PRICKLE2: variants seen among roughly 807,000 people sequenced by gnomAD.
PRICKLE2 encodes prickle planar cell polarity protein 2.
PRICKLE2 carries 21 observed loss-of-function variants against 81.4 expected under a neutral mutation model. The observed-to-expected ratio is 0.26, with a 90% CI of 0.18 to 0.37. PRICKLE2 has a LOEUF of 0.37. Ranked by LOEUF, PRICKLE2 falls within the 10% of genes least tolerant of loss-of-function variation. The probability of loss-of-function intolerance (pLI) is 1.00; values close to 1 mark genes in which losing one functional copy is unlikely to be tolerated. For synonymous variants in PRICKLE2, 456 were observed against 421.5 expected (o/e 1.08, Z -1.00); for missense variants, 940 against 1,109.0 (o/e 0.85, Z 2.16).
chr3:64,237,366 C>T (rs762049087), intron 2 of PRICKLE2, among the ~76,000 whole-genome samples: 32 of 152,054 alleles, frequency 2.1e-4, no homozygotes, highest in Non-Finnish European at 4.1e-4. Flanking sequence ...ATTAAAGTGG[C>T]TCTCAGTGGG....
intron 7 of PRICKLE2, among the ~76,000 whole-genome samples, chr3:64,127,345 C>T (rs961583891): frequency 2.6e-5 from 4 of 152,140 alleles, no homozygotes; most frequent in Admixed American, 1.3e-4. Context: ...CCTTTGTCCA[C>T]GGTCACTCTC....
intron 1 of PRICKLE2, among the ~76,000 whole-genome samples, chr3:64,220,691 C>T (rs987337972): frequency 7.9e-5 from 12 of 152,250 alleles, no homozygotes; most frequent in South Asian, 4.2e-4. Flanking sequence ...CTTTGTCAAA[C>T]GAGGCCAGCC....
chr3:64,155,632 C>G (rs1352200491), intron 5 of PRICKLE2, among the ~76,000 whole-genome samples: 3 of 152,110 alleles, frequency 2.0e-5, no homozygotes, highest in Non-Finnish European at 4.4e-5. Context: ...ACTTAAATGT[C>G]CATCAATTGA....
At chr3:64,122,740 G>A (rs571614508) in intron 7 of PRICKLE2, among the ~76,000 whole-genome samples, 17 of 152,122 alleles carry the variant, frequency 1.1e-4, no homozygotes, top group Non-Finnish European at 2.1e-4. Context: ...TACTCCTCCC[G>A]CCAAATCCTG....
intron 6 of PRICKLE2, among the ~76,000 whole-genome samples, chr3:64,148,291 T>C (rs767505161): frequency 6.6e-5 from 10 of 152,320 alleles, no homozygotes; most frequent in Non-Finnish European, 1.3e-4. Context: ...CACTAAATAG[T>C]GATTCTCCAT....
At chr3:64,115,321 T>C (rs1261485642) in intron 7 of PRICKLE2, among the ~76,000 whole-genome samples, 1 of 151,630 alleles carries the variant, frequency 6.6e-6, no homozygotes, top group African/African-American at 2.4e-5. Flanking sequence ...GCTAACATAA[T>C]GATGACAGGA....
intron 2 of PRICKLE2, among the ~76,000 whole-genome samples, chr3:64,170,808 G>A (rs1432412783): frequency 2.6e-5 from 4 of 151,816 alleles, no homozygotes. Context: ...CTGGGAGGTT[G>A]AGGCTGCAGT....
At chr3:64,169,575 A>C (rs2077895117) in intron 2 of PRICKLE2, among the ~76,000 whole-genome samples, 1 of 152,180 alleles carries the variant, frequency 6.6e-6, no homozygotes, top group Admixed American at 6.5e-5. Flanking sequence ...GGAGGCCAGA[A>C]CTATGCACTC....
chr3:64,102,840 A>C (rs2106940698), intron 7 of PRICKLE2: 1 of 152,342 alleles, frequency 6.6e-6, no homozygotes, highest in East Asian at 1.9e-4. Context: ...GTGGTCAATT[A>C]ATAATGGTGA....
At chr3:64,253,236 T>C (rs560805512) in intron 2 of PRICKLE2, among the ~76,000 whole-genome samples, 1 of 152,342 alleles carries the variant, frequency 6.6e-6, no homozygotes, top group Admixed American at 6.5e-5. Context: ...ATACCATAGT[T>C]AATCTATTTT....
At chr3:64,155,721 T>C (rs758730729) in intron 5 of PRICKLE2, among the ~76,000 whole-genome samples, 35 of 152,218 alleles carry the variant, frequency 2.3e-4, no homozygotes, top group Non-Finnish European at 4.7e-4. Flanking sequence ...TACTTACATA[T>C]ACTACTATAT....
intron 2 of PRICKLE2, among the ~76,000 whole-genome samples, chr3:64,248,042 T>G (rs2079385547): frequency 6.6e-6 from 1 of 152,198 alleles, no homozygotes; most frequent in Non-Finnish European, 1.5e-5. Context: ...GCTATAAAAC[T>G]TATGTAACTG....
chr3:64,128,269 T>TTACTGG, intron 7 of PRICKLE2, among the ~76,000 whole-genome samples: 1 of 152,150 alleles, frequency 6.6e-6, no homozygotes, highest in Non-Finnish European at 1.5e-5. Flanking sequence ...TGGGAAAGCA[T>TTACTGG]AGCAACTGAA....
intron 2 of PRICKLE2, among the ~76,000 whole-genome samples, chr3:64,236,796 G>A (rs925756631): frequency 1.3e-5 from 2 of 152,178 alleles, no homozygotes; most frequent in African/African-American, 2.4e-5. Flanking sequence ...AGCCTCCTCT[G>A]AAAAACATGA....
rs1374913160 is a variant in PRICKLE2, at chr3:64,122,412, C to A, written c.1661-22487G>T. On this transcript the variant is annotated intron_variant, in intron 7 of 7. Transcript: ENST00000638394. ...AGAATCACAGAATCACCTGCAAGTT[C>A]CCCAGTCCTGTCCCAGACCTAGTGA... is the stretch of plus-strand genomic sequence containing the variant. 3.3e-5 allele frequency among the ~76,000 whole-genome samples: 5 copies of A among 152,286 alleles called. No homozygotes were observed. In the East Asian group the frequency reaches 7.7e-4, roughly 24 times the overall value.
At chr3:64,235,014 T>G (rs1245448153) in intron 2 of PRICKLE2, among the ~76,000 whole-genome samples, 2 of 152,196 alleles carry the variant, frequency 1.3e-5, no homozygotes, top group Admixed American at 1.3e-4. Flanking sequence ...TATGTAGGTG[T>G]GCTTGATGGT....
chr3:64,173,993 T>C (rs1270381690), intron 2 of PRICKLE2, among the ~76,000 whole-genome samples: 1 of 152,208 alleles, frequency 6.6e-6, no homozygotes, highest in Non-Finnish European at 1.5e-5. Context: ...AAAGAGGATG[T>C]GAGTTAAACA....
intron 2 of PRICKLE2, among the ~76,000 whole-genome samples, chr3:64,250,256 T>G (rs56172009): frequency 0.062 from 9,389 of 152,322 alleles, 392 homozygotes; most frequent in Non-Finnish European, 0.092. Context: ...AATTCTTTGT[T>G]GGAGGGGGCT....
rs1232809386 is a variant in PRICKLE2 at position 64,097,145 on chromosome 3, CAT to C, written c.*1904_*1905del. ...GCATGCGGAAAACAGCCACAACCAA[CAT>C]GTGCATTGCTTTTTTAAAAAAATCA... On this transcript the variant is annotated 3_prime_UTR_variant, in exon 8 of 8. Transcript: ENST00000638394. The C allele has an allele frequency of 1.3e-5, 2 of 152,580 alleles. No homozygotes were observed. Among genetic ancestry groups the C allele is most frequent in the African/African-American group, 4.8e-5 (2 of 41,420 alleles). The allele number at this position is 152,580 out of a possible 1,614,324, so 9.5% of individuals were successfully genotyped here.
Sources: allele counts gnomAD v4.1 joint callset (sites outside exome capture counted in the v4.1 genomes callset), GRCh38; gene constraint gnomAD v4.1.1; transcripts MANE v1.5; gene names NCBI Gene and HGNC (gene_info 2026-07-23, HGNC 2026-07-21).